Variants in CDK16 observed in about 807,000 individuals in gnomAD.
The protein encoded by CDK16 is cyclin-dependent kinase 16.
CDK16 carries 2 observed loss-of-function variants against 41.6 expected under a neutral mutation model. That is an observed-to-expected ratio of 0.05 (90% CI 0.02 to 0.15). CDK16 has a LOEUF of 0.15. CDK16 is among the 10% of genes least tolerant of loss of function. CDK16 has a pLI of 1.00. For missense variants in CDK16, 228 were observed against 428.9 expected, an observed-to-expected ratio of 0.53 and a Z score of 4.14; for synonymous variants, 169 against 169.7, an observed-to-expected ratio of 1.00 and a Z score of 0.03.
At chrX:47,227,650 C>T (rs886718798) in intron 14 of CDK16, 181 bp downstream of exon 14, 8 of 432,165 alleles carry the variant, frequency 1.9e-5, no homozygotes, top group African/African-American at 7.4e-5. Flanking sequence ...GTTCCTTTTA[C>T]CTTTCATGAA....
upstream of CDK16, chrX:47,218,519 T>G: frequency 1.0e-6 from 1 of 993,299 alleles, no homozygotes; most frequent in South Asian, 2.5e-5. Flanking sequence ...GCTAGCAAAC[T>G]TCTGCCAAGA....
chrX:47,219,003 C>G lies in CDK16; in HGVS notation c.-109C>G, dbSNP rs1174438914. Reference sequence around the variant, plus strand: ...AGACTACTGGGACGGGCGCCTGCGGCGAACAGGAGGAGAAGGAGGTCGCGC... The same window carrying G: ...AGACTACTGGGACGGGCGCCTGCGGGGAACAGGAGGAGAAGGAGGTCGCGC... On this transcript the variant is annotated 5_prime_UTR_variant, in exon 1 of 16. Transcript: ENST00000357227. The G allele has an allele frequency of 1.1e-6, 1 of 880,261 alleles. No individual in the cohort carries two copies. Among genetic ancestry groups the G allele is most frequent in the Admixed American group, 7.2e-5 (1 of 13,850 alleles). The allele number at this position is 880,261 out of a possible 1,213,427, so 72.5% of individuals were successfully genotyped here.
chrX:47,225,697 T>C, intron 6 of CDK16, 75 bp from the exon 7 acceptor site: 4 of 772,956 alleles, frequency 5.2e-6, no homozygotes, highest in Non-Finnish European at 8.0e-6. Flanking sequence ...TGTCCCTTTC[T>C]AGTCCTTGTC....
chrX:47,222,960 C>A (rs1340456575), intron 1 of CDK16: 1 of 737,566 alleles, frequency 1.4e-6, no homozygotes, highest in African/African-American at 2.3e-5. Context: ...GCTCCCCTCC[C>A]CCCCCCCACC....
Position 47,223,578 on chromosome X carries a change from C to G in CDK16, c.21C>G (p.Ile7Met). MDRMKK[I>M]KRQLSMTLRG... ...TCGCCATGGATCGGATGAAGAAGAT[C>G]AAACGGCAGCTGTCAATGACACTCC... The change falls in exon 2 of 16, where the codon ATC (isoleucine) becomes ATG (methionine). Residue 7 changes from isoleucine to methionine, a missense_variant. Ile to Met is a conservative substitution (Grantham distance 10). This residue lies in a region of CDK16 where 71 missense variants were observed against 102.2 expected (regional missense o/e 0.69). Transcript: ENST00000357227. The G allele has an allele frequency of 1.7e-6, 2 of 1,211,381 alleles. No individual in the cohort carries two copies. The highest frequency in any genetic ancestry group is 1.8e-5 in the South Asian group (1 of 56,953).
rs747503724 is a variant in CDK16 at position 47,225,848 on chromosome X, C to T, written c.711C>T (p.Thr237=). The T allele has an allele frequency of 2.5e-6, 3 of 1,208,787 alleles. No individual in the cohort carries two copies. The South Asian group carries it at 5.3e-5, about 21-fold the overall frequency. The part of the protein sequence containing the change: ...HDIIHTEKSL[T]LVFEYLDKDL... ...TTATCCACACGGAGAAGTCCCTCAC[C>T]CTTGTCTTTGAGTACCTGGTAAGGT... The change falls in exon 7 of 16, where the codon ACC becomes ACT. Residue 237 remains threonine, a synonymous_variant. Coordinates refer to ENST00000357227, the MANE Select transcript of CDK16 (RefSeq NM_006201.5).
In CDK16 at chrX:47,227,004, T is replaced by C; in HGVS notation, c.1146T>C (p.Thr382=). 1 of 1,211,075 alleles carries C rather than the reference T, an allele frequency of 8.3e-7. No homozygotes were observed. Among genetic ancestry groups the C allele is most frequent in the Non-Finnish European group, 1.1e-6 (1 of 894,884 alleles). ...HFIFRILGTP[T]EETWPGILSN... ...CCTCTTCCCTACTAGGAACCCCAAC[T>C]GAGGAGACGTGGCCAGGCATCCTGT... The change falls in exon 12 of 16, where the codon ACT becomes ACC. Residue 382 remains threonine, a synonymous_variant. Coordinates refer to ENST00000357227, the MANE Select transcript of CDK16 (RefSeq NM_006201.5).
intron 1 of CDK16, chrX:47,222,896 C>G: frequency 1.6e-5 from 5 of 321,065 alleles, no homozygotes; most frequent in Non-Finnish European, 2.5e-5. Context: ...GACCCCCCCG[C>G]CCTCCACACA....
At position 47,226,006 on chromosome X, in the gene CDK16, C is replaced by T. The variant is rs1298413132; in HGVS notation, c.771C>T (p.Ile257=). The T allele has an allele frequency of 2.5e-6, 3 of 1,201,158 alleles. No homozygotes were observed. The highest frequency in any genetic ancestry group is 3.4e-6 in the Non-Finnish European group (3 of 889,703). The part of the protein sequence containing the change: ...LKQYLDDCGN[I]INMHNVKLFL... ...AGTACCTGGATGACTGTGGGAACAT[C>T]ATCAACATGCACAACGTGAAAGTGG... Residue 257 remains isoleucine, a synonymous_variant, in exon 8 of 16, where the codon ATC becomes ATT. Transcript: ENST00000357227.
chrX:47,218,578 C>G (rs1937173683), upstream of CDK16: 35 of 1,145,039 alleles, frequency 3.1e-5, no homozygotes, highest in Non-Finnish European at 3.8e-5. Context: ...GGTGCCGTCT[C>G]CGGCTTGGCG....
At position 47,226,850 on chromosome X, in the gene CDK16, G is replaced by A. The variant is rs766593061; in HGVS notation, c.1076G>A (p.Arg359His). ...GCIFYEMATGRPLFPGSTVEE... is the reference protein window; with the variant it reads ...GCIFYEMATGHPLFPGSTVEE... Reference sequence around the variant, plus strand: ...ATCTTCTATGAGATGGCCACAGGCCGTCCCCTCTTTCCGGGCTCCACGGTG... The same window carrying A: ...ATCTTCTATGAGATGGCCACAGGCCATCCCCTCTTTCCGGGCTCCACGGTG... The change falls in exon 11 of 16, where the codon CGT becomes CAT. Residue 359 changes from arginine to histidine, a missense_variant. Arg to His is a conservative substitution (Grantham distance 29, BLOSUM62 0). This residue lies in a region of CDK16 where 91 missense variants were observed against 129.5 expected (regional missense o/e 0.70). Transcript: ENST00000357227. The A allele has an allele frequency of 4.1e-6, 5 of 1,210,200 alleles. No individual in the cohort carries two copies. The highest frequency in any genetic ancestry group is 1.8e-5 in the South Asian group (1 of 56,623).
At position 47,223,494 on chromosome X, in the gene CDK16, C is replaced by A. The variant is rs759556075; in HGVS notation, c.-6-58C>A. The A allele has an allele frequency of 4.1e-5, 46 of 1,125,198 alleles. No homozygotes were observed. The African/African-American group carries it at 8.1e-4, about 20-fold the overall frequency. The allele number at this position is 1,125,198 out of a possible 1,213,427, so 92.7% of individuals were successfully genotyped here. ...GCTAGGCTGTGGGCTTTAGGGAACC[C>A]ATGGTGATCAAGCAAATGCTAATAA... On this transcript the variant is annotated intron_variant, in intron 1 of 15. Coordinates refer to ENST00000357227, the MANE Select transcript of CDK16 (RefSeq NM_006201.5).
chrX:47,226,933 G>T (rs753288550), intron 11 of CDK16, 24 bp downstream of exon 11: 4 of 1,201,087 alleles, frequency 3.3e-6, no homozygotes, highest in Non-Finnish European at 4.5e-6. Context: ...GGCCCTAGGC[G>T]CTGTGGAGAC....
intron 1 of CDK16, among the ~76,000 whole-genome samples, chrX:47,221,923 C>T (rs1353513299): frequency 8.9e-6 from 1 of 111,892 alleles, no homozygotes; most frequent in African/African-American, 3.2e-5. Context: ...TCATCCTCGA[C>T]CTCCTATCTA....
chrX:47,218,629 C>T, upstream of CDK16: 1 of 1,165,482 alleles, frequency 8.6e-7, no homozygotes, highest in Non-Finnish European at 1.1e-6. Context: ...CGTCCCCTCC[C>T]GCTGCGGACG....
intron 7 of CDK16, 40 bp from the exon 8 acceptor site, chrX:47,225,925 G>C (rs1483900586): frequency 2.5e-6 from 3 of 1,200,271 alleles, no homozygotes; most frequent in Non-Finnish European, 2.3e-6. Context: ...GGAGCCATAG[G>C]AAGTAACCCT....
chrX:47,225,113 C>T lies in CDK16; in HGVS notation c.634+11C>T, dbSNP rs1165961900. 1.8e-6 allele frequency: 2 copies of T among 1,130,142 alleles called. No individual in the cohort carries two copies. The highest frequency in any genetic ancestry group is 2.4e-6 in the Non-Finnish European group (2 of 829,469). The allele number at this position is 1,130,142 out of a possible 1,213,427, so 93.1% of individuals were successfully genotyped here. On this transcript the variant is annotated intron_variant, in intron 6 of 15. Coordinates refer to ENST00000357227, the MANE Select transcript of CDK16 (RefSeq NM_006201.5). ...CCGCCATCCGGGAAGGTACACACCC[C>T]CATCCCATCTGCCCCAGGCTTCCCC...
In CDK16 at chrX:47,224,257, G is replaced by A. The variant is rs772011213; in HGVS notation, c.203-128G>A. The A allele has an allele frequency of 1.6e-4, 110 of 697,277 alleles. 1 individual carries two copies. The African/African-American group carries it at 2.0e-3, about 13-fold the overall frequency. 57.5% of individuals were successfully genotyped at this position (697,277 alleles called of 1,213,427 possible). Reference sequence around the variant, plus strand: ...CTCAGGTACATCACCCTCTCCCCGAGGGACTCCAGGTTTCCTGTGGGGGCC... The same window carrying A: ...CTCAGGTACATCACCCTCTCCCCGAAGGACTCCAGGTTTCCTGTGGGGGCC... On this transcript the variant is annotated intron_variant, in intron 2 of 15. Transcript: ENST00000357227.
intron 1 of CDK16, chrX:47,222,950 GCTCCCCTC>G: frequency 1.3e-6 from 1 of 741,235 alleles, no homozygotes; most frequent in Non-Finnish European, 1.7e-6. Flanking sequence ...CCTGACACAC[GCTCCCCTC>G]CCCCCCCCCA....
Sources: gnomAD v4.1 joint callset for allele counts (sites outside exome capture counted in the v4.1 genomes callset) on GRCh38, gnomAD v4.1.1 for gene constraint, gnomAD v4.1.1 regional missense constraint, MANE v1.5 for transcripts, NCBI Gene and HGNC (gene_info 2026-07-23, HGNC 2026-07-21) for gene names.